Variants in STK36 observed in about 807,000 individuals in gnomAD.
The protein encoded by STK36 is serine/threonine kinase 36, also known as serine/threonine-protein kinase 36.
STK36 carries 116 observed loss-of-function variants against 142.2 expected under a neutral mutation model. That is an observed-to-expected ratio of 0.82 (90% CI 0.70 to 0.95). STK36 has a LOEUF of 0.95. Among genes scored for constraint, STK36 ranks in the 40% least tolerant of loss-of-function variants. STK36 has a pLI of 0.00. For missense variants in STK36, 1,422 were observed against 1,617.2 expected (o/e 0.88, Z 2.07); for synonymous variants, 619 against 641.7 (o/e 0.96, Z 0.53).
chr2:218,699,906 T>G (rs1017242861), intron 26 of STK36, among the ~76,000 whole-genome samples: 1 of 152,024 alleles, frequency 6.6e-6, no homozygotes, highest in Admixed American at 6.6e-5. Flanking sequence ...ATCCTTCCTC[T>G]TCTGCGCAAC....
rs759453372 is a variant in STK36, at chr2:218,685,193, C to T, written c.1345C>T (p.Arg449Cys). The T allele has an allele frequency of 4.1e-5, 66 of 1,614,150 alleles. No homozygotes were observed. The highest frequency in any genetic ancestry group is 3.5e-4 in the South Asian group (32 of 91,076). The change falls in exon 11 of 27, where the codon CGC becomes TGC. Residue 449 changes from arginine (R) to cysteine (C), a missense_variant. By Grantham distance (180) the Arg-to-Cys change is radical (BLOSUM62 -3). Around this residue, in one of 2 missense-constraint regions of STK36, gnomAD observed 962 missense variants for 1,167.5 expected, o/e 0.82. Coordinates refer to ENST00000295709, the MANE Select transcript of STK36 (RefSeq NM_015690.5). The part of the protein sequence containing the change: ...TLLCNPDFCQ[R>C]IQSQLHEAGG... ...GCTGTGTAATCCTGACTTCTGCCAGCGCATCCAGAGTCAGCTGCATGAAGC... is the reference window on the plus strand; with the variant it reads ...GCTGTGTAATCCTGACTTCTGCCAGTGCATCCAGAGTCAGCTGCATGAAGC...
intron 25 of STK36, 114 bp downstream of exon 25, chr2:218,698,115 T>C: frequency 7.0e-7 from 1 of 1,429,074 alleles, no homozygotes; most frequent in South Asian, 1.3e-5. Flanking sequence ...ATGGAACAGC[T>C]GGCTTGACTC....
intron 16 of STK36, among the ~76,000 whole-genome samples, chr2:218,693,035 C>T (rs528219371): frequency 3.2e-4 from 49 of 152,288 alleles, no homozygotes; most frequent in African/African-American, 1.1e-3. Flanking sequence ...TCCTCTGTAC[C>T]TGGCTACACT....
intron 23 of STK36, 70 bp from the exon 24 acceptor site, chr2:218,697,393 A>T: frequency 6.3e-7 from 1 of 1,583,522 alleles, no homozygotes; most frequent in Non-Finnish European, 8.6e-7. Context: ...TAGCCCTGGG[A>T]GCTGTGGGGA....
At chr2:218,695,795 C>T (rs112802692) in intron 21 of STK36, among the ~76,000 whole-genome samples, 4 of 151,338 alleles carry the variant, frequency 2.6e-5, no homozygotes, top group African/African-American at 9.7e-5. Flanking sequence ...GCCTCAGCCT[C>T]CTAAAGTGCT....
intron 12 of STK36, 144 bp from the exon 13 acceptor site, chr2:218,689,715 A>ACT (rs1158365198): frequency 7.7e-6 from 5 of 646,102 alleles, no homozygotes; most frequent in East Asian, 5.6e-5. Context: ...TACCCCTAGA[A>ACT]CTCTCTCTCT....
chr2:218,690,047 A>C (rs1278096150), intron 13 of STK36, 91 bp downstream of exon 13: 54 of 1,205,682 alleles, frequency 4.5e-5, no homozygotes, highest in Non-Finnish European at 6.3e-5. Context: ...GCCAAGTATG[A>C]AGAAGCTGTG....
chr2:218,701,109 G>A (rs1941423744), intron 26 of STK36, among the ~76,000 whole-genome samples: 1 of 151,124 alleles, frequency 6.6e-6, no homozygotes, highest in Non-Finnish European at 1.5e-5. Context: ...TTCATGCAGA[G>A]CAGAAATTTG....
rs1261053712 is a variant in STK36 at position 218,694,101 on chromosome 2, C to T, written c.2336+118C>T. 11 of 1,234,926 alleles carry T rather than the reference C, an allele frequency of 8.9e-6. No individual in the cohort carries two copies. The highest frequency in any genetic ancestry group is 7.0e-5 in the East Asian group (3 of 42,892). 76.5% of individuals were successfully genotyped at this position (1,234,926 alleles called of 1,614,324 possible). ...CCTTAGGAGGAATTGGGATAGAGAG[C>T]GTGAAGCTTTCTCTACAAAGAACAG... is the stretch of plus-strand genomic sequence containing the variant. On this transcript the variant is annotated intron_variant, in intron 19 of 26. Transcript: ENST00000295709. The surrounding 1 kb of genome is among the most constrained non-coding windows in gnomAD (Gnocchi z 4.4).
At chr2:218,692,536 G>T in intron 15 of STK36, 47 bp from the exon 16 acceptor site, 1 of 1,579,300 alleles carries the variant, frequency 6.3e-7, no homozygotes, top group South Asian at 1.2e-5. Flanking sequence ...TATTGTCTAG[G>T]GCAAGAGCCT....
At position 218,678,581 on chromosome 2, in the gene STK36, T is replaced by C. The variant is rs576294692; in HGVS notation, c.685-587T>C. ...ACCTCTGTTCCTATTTGAGGCCCAATTGAGGATTTCCCCAAAGATTCCTGA... is the reference window on the plus strand; with the variant it reads ...ACCTCTGTTCCTATTTGAGGCCCAACTGAGGATTTCCCCAAAGATTCCTGA... On this transcript the variant is annotated intron_variant, in intron 6 of 26. Transcript: ENST00000295709. 9.8e-5 allele frequency among the ~76,000 whole-genome samples: 15 copies of C among 152,330 alleles called. No homozygotes were observed. The South Asian group carries it at 1.9e-3, about 19-fold the overall frequency.
At chr2:218,698,276 T>C (rs1193791478) in intron 25 of STK36, among the ~76,000 whole-genome samples, 2 of 152,218 alleles carry the variant, frequency 1.3e-5, no homozygotes, top group Non-Finnish European at 2.9e-5. Context: ...CACTGAAGAC[T>C]CACCTCCTTG....
intron 13 of STK36, 45 bp from the exon 14 acceptor site, chr2:218,690,405 T>A: frequency 1.3e-6 from 2 of 1,527,506 alleles, no homozygotes; most frequent in Non-Finnish European, 1.8e-6. Context: ...CATCCAGGCT[T>A]TTAGTAGAGA....
Position 218,690,485 on chromosome 2 carries a change from T to G in STK36, c.1694T>G (p.Leu565Arg), listed in dbSNP as rs773555500. The G allele has an allele frequency of 1.9e-6, 3 of 1,614,068 alleles. No homozygotes were observed. Among genetic ancestry groups the G allele is most frequent in the Admixed American group, 3.3e-5 (2 of 59,996 alleles). ...TTTCAGGAGGCTGCCAACCTTTTTC[T>G]GGACCTGTTGGGGAAACTGCTGGCC... Reference protein sequence around the residue: ...QVFQEAANLFLDLLGKLLAQP... With the variant: ...QVFQEAANLFRDLLGKLLAQP... The change falls in exon 14 of 27, where the codon CTG (leucine) becomes CGG (arginine). Residue 565 changes from leucine (L) to arginine (R), a missense_variant. Transcript: ENST00000295709.
rs189870649 is a variant in STK36 at position 218,685,907 on chromosome 2, T to A, written c.1380+679T>A. 4.6e-5 allele frequency among the ~76,000 whole-genome samples: 7 copies of A among 152,322 alleles called. No individual in the cohort carries two copies. The East Asian group carries it at 1.4e-3, about 29-fold the overall frequency. On this transcript the variant is annotated intron_variant, in intron 11 of 26. Coordinates refer to ENST00000295709, the MANE Select transcript of STK36 (RefSeq NM_015690.5). ...TAACCATAGTTCAGTTTTAGAACAT[T>A]TTCATCACCCCAGTAAAATCCCTCA...
Position 218,702,229 on chromosome 2 carries a change from A to C in STK36, c.*220A>C, listed in dbSNP as rs1185387659. 2.2e-5 allele frequency: 11 copies of C among 500,158 alleles called. No homozygotes were observed. The highest frequency in any genetic ancestry group is 3.7e-5 in the Non-Finnish European group (11 of 299,502). The allele number at this position is 500,158 out of a possible 1,614,324, so 31.0% of individuals were successfully genotyped here. A position where few individuals can be genotyped will look rare whatever the true frequency, so the allele number is the denominator to read the frequency against. On this transcript the variant is annotated 3_prime_UTR_variant, in exon 27 of 27. Coordinates refer to ENST00000295709, the MANE Select transcript of STK36 (RefSeq NM_015690.5). ...AGTAAATTTTATTGCTGTTGGTGCC[A>C]GAGAAGAGTCCTTTCTTCTCTACAT...
chr2:218,698,497 C>G, intron 25 of STK36, 105 bp from the exon 26 acceptor site: 1 of 1,402,650 alleles, frequency 7.1e-7, no homozygotes, highest in Non-Finnish European at 9.7e-7. Flanking sequence ...CTCTCTGTGG[C>G]ATTTCTCACC....
Position 218,679,877 on chromosome 2 carries a change from C to A in STK36, c.949-16C>A. ...TCAAATAGCTCTGATTCAGTGTTGC[C>A]CCCTACCTCCCACAGAAACATCAGA... On this transcript the variant is annotated splice_polypyrimidine_tract_variant and intron_variant, in intron 8 of 26. Transcript: ENST00000295709. The A allele has an allele frequency of 6.2e-7, 1 of 1,611,164 alleles. No homozygotes were observed. Among genetic ancestry groups the A allele is most frequent in the African/African-American group, 1.3e-5 (1 of 74,946 alleles).
intron 2 of STK36, 130 bp from the exon 3 acceptor site, chr2:218,673,495 A>G: frequency 7.8e-7 from 1 of 1,274,192 alleles, no homozygotes; most frequent in Non-Finnish European, 1.1e-6. Context: ...GAAGCGGGAG[A>G]CTAACAGAAA....
Sources: gnomAD v4.1 joint callset for allele counts (sites outside exome capture counted in the v4.1 genomes callset) on GRCh38, gnomAD v4.1.1 for gene constraint, gnomAD v4.1.1 regional missense constraint, Gnocchi (gnomAD v3.1) non-coding constraint, MANE v1.5 for transcripts, NCBI Gene and HGNC (gene_info 2026-07-23, HGNC 2026-07-21) for gene names.